ZRANB3: variants seen among roughly 807,000 people sequenced by gnomAD.
ZRANB3 encodes DNA annealing helicase and endonuclease ZRANB3.
ZRANB3 carries 125 observed loss-of-function variants against 133.8 expected under a neutral mutation model. The observed-to-expected ratio is 0.93, with a 90% CI of 0.81 to 1.08. The LOEUF is 1.08. Among genes scored for constraint, ZRANB3 ranks in the 50% least tolerant of loss-of-function variants. The pLI, the probability that ZRANB3 is intolerant of heterozygous loss-of-function variation, is 0.00. For synonymous variants in ZRANB3, 387 were observed against 432.7 expected (o/e 0.89, Z 1.31); for missense variants, 1,229 against 1,275.5 (o/e 0.96, Z 0.56).
At chr2:135,326,215 T>A (rs1683813721) in intron 6 of ZRANB3, among the ~76,000 whole-genome samples, 1 of 152,178 alleles carries the variant, frequency 6.6e-6, no homozygotes, top group Admixed American at 6.5e-5. Context: ...TGCATTTTAA[T>A]TATGTAAAAT....
intron 2 of ZRANB3, among the ~76,000 whole-genome samples, chr2:135,455,589 C>CCT (rs1690476801): frequency 4.7e-5 from 6 of 126,468 alleles, no homozygotes; most frequent in African/African-American, 1.5e-4. Flanking sequence ...TGATTTTTTT[C>CCT]TTTTTTTTTT....
chr2:135,522,662 G>A (rs1480974959), intron 1 of ZRANB3, among the ~76,000 whole-genome samples: 1 of 151,290 alleles, frequency 6.6e-6, no homozygotes, highest in African/African-American at 2.4e-5. Context: ...TAGCCAGGCC[G>A]AGATCACACC....
chr2:135,480,784 TC>T (rs1325699442), intron 2 of ZRANB3, among the ~76,000 whole-genome samples: 2 of 108,622 alleles, frequency 1.8e-5, no homozygotes, highest in Non-Finnish European at 3.4e-5. Context: ...CCGACAACAG[TC>T]CCCAGAGTGT....
chr2:135,418,129 C>T (rs1401428521), intron 2 of ZRANB3, among the ~76,000 whole-genome samples: 1 of 151,722 alleles, frequency 6.6e-6, no homozygotes, highest in East Asian at 1.9e-4. Context: ...AAACAAACAA[C>T]AAAAAATATA....
intron 2 of ZRANB3, among the ~76,000 whole-genome samples, chr2:135,391,730 T>A (rs538243059): frequency 6.6e-6 from 1 of 152,064 alleles, no homozygotes; most frequent in East Asian, 1.9e-4. Flanking sequence ...CAAGCACCTG[T>A]CACCACGCCA....
At chr2:135,356,589 T>C (rs944806323) in intron 3 of ZRANB3, among the ~76,000 whole-genome samples, 1 of 152,232 alleles carries the variant, frequency 6.6e-6, no homozygotes, top group Non-Finnish European at 1.5e-5. Flanking sequence ...TAATTCTGTA[T>C]TCTTGTATCT....
At chr2:135,517,430 G>A (rs1420014421) in intron 1 of ZRANB3, among the ~76,000 whole-genome samples, 2 of 152,136 alleles carry the variant, frequency 1.3e-5, no homozygotes, top group Non-Finnish European at 2.9e-5. Flanking sequence ...GGTCTTTGAT[G>A]TTGGTGACCT....
intron 2 of ZRANB3, among the ~76,000 whole-genome samples, chr2:135,482,678 C>T (rs1360188837): frequency 1.6e-4 from 25 of 152,208 alleles, no homozygotes; most frequent in Admixed American, 1.6e-3. Context: ...TGAGAGAGGG[C>T]ATCCCTGTCT....
chr2:135,386,166 C>G (rs901183743), intron 3 of ZRANB3, among the ~76,000 whole-genome samples: 6 of 152,112 alleles, frequency 3.9e-5, no homozygotes, highest in Non-Finnish European at 7.4e-5. Context: ...ACAACTCCAT[C>G]AAAAAGTGGG....
chr2:135,371,645 T>C (rs1160334073), intron 3 of ZRANB3, among the ~76,000 whole-genome samples: 1 of 152,218 alleles, frequency 6.6e-6, no homozygotes, highest in Non-Finnish European at 1.5e-5. Flanking sequence ...CTGCTAGTGG[T>C]CAAGATAAAT....
chr2:135,405,244 G>A (rs996802487), intron 2 of ZRANB3, among the ~76,000 whole-genome samples: 1 of 152,194 alleles, frequency 6.6e-6, no homozygotes, highest in African/African-American at 2.4e-5. Context: ...TAATGGTAAA[G>A]GGATAAGTTC....
intron 12 of ZRANB3, among the ~76,000 whole-genome samples, chr2:135,254,461 G>C (rs1031874035): frequency 2.0e-5 from 3 of 150,804 alleles, no homozygotes; most frequent in Admixed American, 6.6e-5. Context: ...AAAAAAAACA[G>C]CTTTGGCCAG....
intron 8 of ZRANB3, among the ~76,000 whole-genome samples, chr2:135,305,509 T>C (rs1682637128): frequency 6.6e-6 from 1 of 152,230 alleles, no homozygotes; most frequent in Non-Finnish European, 1.5e-5. Context: ...TAACGTTATG[T>C]TTTACATGTG....
intron 8 of ZRANB3, among the ~76,000 whole-genome samples, chr2:135,297,946 T>C (rs1682226663): frequency 6.6e-6 from 1 of 152,158 alleles, no homozygotes; most frequent in Non-Finnish European, 1.5e-5. Flanking sequence ...TAAAATTTAT[T>C]GGCTGGGCTT....
At chr2:135,478,724 T>C (rs1246120195) in intron 2 of ZRANB3, among the ~76,000 whole-genome samples, 3 of 152,060 alleles carry the variant, frequency 2.0e-5, no homozygotes, top group Non-Finnish European at 4.4e-5. Context: ...TTATCTCCCA[T>C]TACAGAGTGG....
intron 8 of ZRANB3, among the ~76,000 whole-genome samples, chr2:135,287,011 A>C (rs892901863): frequency 6.6e-6 from 1 of 152,200 alleles, no homozygotes; most frequent in Non-Finnish European, 1.5e-5. Flanking sequence ...AATATCTAGA[A>C]GGGGTTGTCC....
In ZRANB3 at chr2:135,366,341, T is replaced by G. The variant is rs375726671; in HGVS notation, c.181-12713A>C. Among the ~76,000 whole-genome samples the G allele has an allele frequency of 3.3e-5, 5 of 152,220 alleles. No individual in the cohort carries two copies. In the South Asian group the frequency reaches 8.3e-4, roughly 25 times the overall value. ...TAAGAAAAGTACAAATTAACTTACC[T>G]AATGGTTACTAAATCGTTACATAAA... is the stretch of plus-strand genomic sequence containing the variant. On this transcript the variant is annotated intron_variant, in intron 3 of 20. Coordinates refer to ENST00000264159, the MANE Select transcript of ZRANB3 (RefSeq NM_032143.4).
chr2:135,420,732 C>G (rs544852716), intron 2 of ZRANB3, among the ~76,000 whole-genome samples: 1 of 152,124 alleles, frequency 6.6e-6, no homozygotes, highest in Non-Finnish European at 1.5e-5. Flanking sequence ...TCGGAATAAT[C>G]AAAATATTCT....
At chr2:135,245,922 G>A (rs1201276773) in intron 12 of ZRANB3, among the ~76,000 whole-genome samples, 1 of 27,898 alleles carries the variant, frequency 3.6e-5, no homozygotes, top group African/African-American at 1.1e-3. Flanking sequence ...TTGAAACTCC[G>A]TCTCAAAAAA....
Sources: gnomAD v4.1 joint callset for allele counts (sites outside exome capture counted in the v4.1 genomes callset) on GRCh38, gnomAD v4.1.1 for gene constraint, MANE v1.5 for transcripts, NCBI Gene and HGNC (gene_info 2026-07-23, HGNC 2026-07-21) for gene names.